The following GAS7 variants were observed in gnomAD, a reference collection of about 807,000 sequenced individuals.
GAS7 encodes growth arrest specific 7, also known as growth arrest-specific protein 7.
Under a neutral mutation model 71.1 loss-of-function variants are expected in GAS7, and 28 were observed. That is an observed-to-expected ratio of 0.39 (90% confidence interval 0.29 to 0.54). GAS7 has a LOEUF of 0.54. GAS7 is among the 20% of genes least tolerant of loss of function. The probability of loss-of-function intolerance (pLI) is 0.62; values close to 1 mark genes in which losing one functional copy is unlikely to be tolerated. For missense variants in GAS7, 436 were observed against 627.8 expected (o/e 0.69, Z 3.27); for synonymous variants, 258 against 245.8 (o/e 1.05, Z -0.46).
At chr17:10,171,861 C>T (rs1016695533) in intron 1 of GAS7, among the ~76,000 whole-genome samples, 3 of 152,150 alleles carry the variant, frequency 2.0e-5, no homozygotes, top group Admixed American at 6.5e-5. Flanking sequence ...CCTCTGTAAC[C>T]GCTATAGGAC....
At chr17:10,116,132 C>A (rs544180408) in intron 1 of GAS7, among the ~76,000 whole-genome samples, 185 of 152,070 alleles carry the variant, frequency 1.2e-3, no homozygotes, top group Non-Finnish European at 2.0e-3. Flanking sequence ...CCAACATGGC[C>A]AAACCCCATC....
At chr17:10,157,843 G>A (rs542924574) in intron 1 of GAS7, among the ~76,000 whole-genome samples, 1 of 152,250 alleles carries the variant, frequency 6.6e-6, no homozygotes, top group African/African-American at 2.4e-5. Context: ...TGGCCAGTAA[G>A]CATATAGGTA....
At chr17:10,101,570 A>G (rs925969354) in intron 1 of GAS7, among the ~76,000 whole-genome samples, 2 of 152,224 alleles carry the variant, frequency 1.3e-5, no homozygotes, top group Admixed American at 6.5e-5. Context: ...GGCGGTACCT[A>G]CAGCCACACG....
intron 1 of GAS7, among the ~76,000 whole-genome samples, chr17:10,030,584 G>A (rs368741228): frequency 5.9e-5 from 9 of 152,272 alleles, no homozygotes; most frequent in East Asian, 1.9e-4. Context: ...AAAATTTGTC[G>A]GAGGTATTAC....
intron 6 of GAS7, among the ~76,000 whole-genome samples, chr17:9,945,638 G>A (rs954764569): frequency 6.6e-6 from 1 of 151,680 alleles, no homozygotes; most frequent in Non-Finnish European, 1.5e-5. Flanking sequence ...AAAGAGAAAA[G>A]CACTTTTATC....
chr17:10,159,065 C>CATATATATATATATATAT (rs745794234), intron 1 of GAS7, among the ~76,000 whole-genome samples: 1,452 of 59,520 alleles, frequency 0.024, 49 homozygotes, highest in Non-Finnish European at 0.027. Context: ...GTCTCTAAAA[C>CATATATATATATATATAT]ATATATATAT....
intron 1 of GAS7, among the ~76,000 whole-genome samples, chr17:10,061,015 G>C (rs1567574856): frequency 1.3e-5 from 2 of 152,166 alleles, no homozygotes; most frequent in Non-Finnish European, 1.5e-5. Flanking sequence ...TCTGACCTAA[G>C]CTGAGGGCTA....
At chr17:10,081,947 A>T (rs1489942398) in intron 1 of GAS7, among the ~76,000 whole-genome samples, 1 of 152,232 alleles carries the variant, frequency 6.6e-6, no homozygotes, top group Non-Finnish European at 1.5e-5. Context: ...ACACGAGGGG[A>T]CAGGCATAAG....
At chr17:10,170,157 C>T (rs147803321) in intron 1 of GAS7, among the ~76,000 whole-genome samples, 1 of 152,080 alleles carries the variant, frequency 6.6e-6, no homozygotes, top group Admixed American at 6.6e-5. Flanking sequence ...TCTGCTCCCC[C>T]CTCCATCCCC....
intron 1 of GAS7, among the ~76,000 whole-genome samples, chr17:10,089,075 C>T (rs1277916319): frequency 6.6e-6 from 1 of 151,842 alleles, no homozygotes; most frequent in East Asian, 1.9e-4. Context: ...GCAGGAGAAT[C>T]GCTTGAACCC....
chr17:9,922,106 T>C (rs554074805), intron 11 of GAS7, among the ~76,000 whole-genome samples: 6 of 152,174 alleles, frequency 3.9e-5, no homozygotes, highest in Admixed American at 3.3e-4. Context: ...CAAGTTGTTA[T>C]GAGGAATAAA....
intron 1 of GAS7, 21 bp downstream of exon 1, chr17:10,198,187 G>A: frequency 6.2e-7 from 1 of 1,603,568 alleles, no homozygotes; most frequent in Non-Finnish European, 8.5e-7. Context: ...GGCTCCTACA[G>A]CCCCGGCCCT....
intron 1 of GAS7, chr17:10,039,895 T>G (rs2072830641): frequency 3.2e-6 from 1 of 311,826 alleles, no homozygotes; most frequent in Non-Finnish European, 6.5e-6. Flanking sequence ...ATCAATTCCT[T>G]CTGTGTCCGC....
intron 3 of GAS7, among the ~76,000 whole-genome samples, chr17:9,978,640 T>C (rs903053844): frequency 3.3e-5 from 5 of 152,100 alleles, no homozygotes; most frequent in Non-Finnish European, 5.9e-5. Flanking sequence ...ATCATGACAC[T>C]GTATTCCAGC....
At chr17:9,975,850 A>C (rs2070180711) in intron 3 of GAS7, among the ~76,000 whole-genome samples, 1 of 152,212 alleles carries the variant, frequency 6.6e-6, no homozygotes, top group Non-Finnish European at 1.5e-5. Context: ...AGGGAAATAC[A>C]GCAGGGCTAC....
At chr17:10,162,981 T>G (rs890671561) in intron 1 of GAS7, among the ~76,000 whole-genome samples, 1 of 152,116 alleles carries the variant, frequency 6.6e-6, no homozygotes, top group East Asian at 1.9e-4. Flanking sequence ...TTCCAATGGT[T>G]AAGATGGTAA....
chr17:10,027,676 C>G (rs2072501945), intron 1 of GAS7, among the ~76,000 whole-genome samples: 1 of 152,204 alleles, frequency 6.6e-6, no homozygotes, highest in Non-Finnish European at 1.5e-5. Context: ...CAGTCCTCAC[C>G]AGACAACAGA....
At chr17:10,131,011 A>G (rs1386891134) in intron 1 of GAS7, among the ~76,000 whole-genome samples, 1 of 152,242 alleles carries the variant, frequency 6.6e-6, no homozygotes, top group Non-Finnish European at 1.5e-5. Flanking sequence ...TATGCAAATT[A>G]TATCTCCATA....
chr17:10,090,783 G>A (rs2073574054), intron 1 of GAS7, among the ~76,000 whole-genome samples: 1 of 152,158 alleles, frequency 6.6e-6, no homozygotes, highest in South Asian at 2.1e-4. Context: ...CAGATAGGGA[G>A]TGACTAGCCC....
Sources: gnomAD v4.1 joint callset for allele counts (sites outside exome capture counted in the v4.1 genomes callset) on GRCh38, gnomAD v4.1.1 for gene constraint, MANE v1.5 for transcripts, NCBI Gene and HGNC (gene_info 2026-07-23, HGNC 2026-07-21) for gene names.